CHL1: variants seen among roughly 807,000 people sequenced by gnomAD.
CHL1 encodes the protein cell adhesion molecule L1 like.
A neutral mutation model predicts 141.9 loss-of-function variants in CHL1; 96 were observed. The ratio of observed to expected loss-of-function variants is 0.68; its 90% CI spans 0.57 to 0.80. The LOEUF (loss-of-function observed/expected upper bound fraction) is 0.80, where lower values mean the gene tolerates loss of function less well. CHL1 is among the 30% of genes least tolerant of loss of function. CHL1 has a pLI of 0.00. For synonymous variants in CHL1, 613 were observed against 502.2 expected, an observed-to-expected ratio of 1.22 and a Z score of -2.95; for missense variants, 1,820 against 1,457.2, an observed-to-expected ratio of 1.25 and a Z score of -4.05.
chr3:361,040 C>T lies in CHL1; in HGVS notation c.1306+616C>T, dbSNP rs148938507. On this transcript the variant is annotated intron_variant, in intron 12 of 27. Transcript: ENST00000256509. ...AAGTCTTTGCTATTGTGAATAATGC[C>T]GCAAAAAACATACGTGTGCAGGTGT... 2.3e-3 allele frequency among the ~76,000 whole-genome samples: 348 copies of T among 151,912 alleles called. 1 individual carries two copies. The highest frequency in any genetic ancestry group is 7.7e-3 in the African/African-American group (317 of 41,396).
intron 1 of CHL1, among the ~76,000 whole-genome samples, chr3:243,310 T>G (rs1692850002): frequency 6.6e-6 from 1 of 152,150 alleles, no homozygotes; most frequent in Non-Finnish European, 1.5e-5. Flanking sequence ...TTAGGTAAAC[T>G]TCTGTCAGCC....
intron 1 of CHL1, among the ~76,000 whole-genome samples, chr3:208,669 G>A (rs1699650145): frequency 2.0e-5 from 3 of 152,106 alleles, no homozygotes; most frequent in East Asian, 3.8e-4. Flanking sequence ...TAATGAAACT[G>A]GTTTATTTGG....
chr3:395,269 C>T lies in CHL1; in HGVS notation c.3094+397C>T, dbSNP rs1002982007. Among the ~76,000 whole-genome samples the T allele has an allele frequency of 3.9e-5, 6 of 152,288 alleles. No individual in the cohort carries two copies. The East Asian group carries it at 1.2e-3, about 29-fold the overall frequency. The stretch of plus-strand genomic sequence containing the variant: ...TCTTCCATTGGTAGACATTACAGAT[C>T]TAATACATCTCACTTTCATGCCTTC... On this transcript the variant is annotated intron_variant, in intron 24 of 27. Coordinates refer to ENST00000256509, the MANE Select transcript of CHL1 (RefSeq NM_006614.4).
intron 2 of CHL1, among the ~76,000 whole-genome samples, chr3:269,612 G>C (rs1695461336): frequency 1.3e-5 from 2 of 152,110 alleles, no homozygotes; most frequent in Non-Finnish European, 2.9e-5. Context: ...TGCAACCTCT[G>C]CCTCCTGGGT....
chr3:336,612 G>A (rs1433519764), intron 5 of CHL1, among the ~76,000 whole-genome samples: 1 of 152,248 alleles, frequency 6.6e-6, no homozygotes, highest in Admixed American at 6.5e-5. Context: ...TACAGAAAAA[G>A]GTAAAGATAT....
intron 1 of CHL1, among the ~76,000 whole-genome samples, chr3:198,687 T>C (rs1345018883): frequency 2.6e-5 from 4 of 152,264 alleles, no homozygotes; most frequent in Non-Finnish European, 5.9e-5. Flanking sequence ...TCAAAAGTTA[T>C]TGTCGTTGAT....
At chr3:239,649 A>G (rs911806036) in intron 1 of CHL1, among the ~76,000 whole-genome samples, 1 of 151,036 alleles carries the variant, frequency 6.6e-6, no homozygotes, top group African/African-American at 2.4e-5. Flanking sequence ...AACGGGTGGT[A>G]TTTGGTTGCG....
At chr3:259,866 A>G (rs1694540079) in intron 2 of CHL1, among the ~76,000 whole-genome samples, 2 of 152,148 alleles carry the variant, frequency 1.3e-5, no homozygotes, top group Admixed American at 6.5e-5. Flanking sequence ...GGCCCGTTTA[A>G]CTTACTTTTC....
intron 5 of CHL1, among the ~76,000 whole-genome samples, chr3:331,155 G>A (rs930745061): frequency 6.6e-6 from 1 of 152,030 alleles, no homozygotes; most frequent in Non-Finnish European, 1.5e-5. Flanking sequence ...TTATCACCAG[G>A]GTCATTAATA....
At chr3:393,901 A>G (rs1312231827) in intron 23 of CHL1, among the ~76,000 whole-genome samples, 2 of 152,188 alleles carry the variant, frequency 1.3e-5, no homozygotes, top group East Asian at 1.9e-4. Context: ...GTCAATAATA[A>G]ATGCATTTTT....
intron 2 of CHL1, among the ~76,000 whole-genome samples, chr3:260,822 A>G (rs1411444253): frequency 2.6e-5 from 4 of 152,232 alleles, no homozygotes. Flanking sequence ...TAAGAAACAA[A>G]TAAGATTAAG....
At chr3:314,230 T>C (rs899827417) in intron 2 of CHL1, among the ~76,000 whole-genome samples, 2 of 150,816 alleles carry the variant, frequency 1.3e-5, no homozygotes, top group Non-Finnish European at 3.0e-5. Context: ...ATTAAAAATG[T>C]TTCCATTAGG....
chr3:259,988 G>C (rs1224813897), intron 2 of CHL1, among the ~76,000 whole-genome samples: 1 of 152,124 alleles, frequency 6.6e-6, no homozygotes, highest in East Asian at 1.9e-4. Flanking sequence ...ATATCAGCTG[G>C]GCATGGTGGC....
At chr3:204,988 C>T (rs1292010010) in intron 1 of CHL1, among the ~76,000 whole-genome samples, 1 of 152,174 alleles carries the variant, frequency 6.6e-6, no homozygotes, top group Non-Finnish European at 1.5e-5. Flanking sequence ...TTCCACCACA[C>T]TGCCTACAGT....
chr3:398,313 G>A lies in CHL1; in HGVS notation c.3181G>A (p.Val1061Ile). The A allele has an allele frequency of 6.2e-7, 1 of 1,608,588 alleles. No individual in the cohort carries two copies. Among genetic ancestry groups the A allele is most frequent in the South Asian group, 1.1e-5 (1 of 90,948 alleles). Residue 1061 changes from valine to isoleucine, a missense_variant, in exon 25 of 28, where the codon GTT (valine) becomes ATT (isoleucine). Transcript: ENST00000256509. ...ATTTGAGCCGGGAGCTGAACATATAGTTCGCCTAATGACTAAGAATTGGGG... is the reference window on the plus strand; with the variant it reads ...ATTTGAGCCGGGAGCTGAACATATAATTCGCCTAATGACTAAGAATTGGGG... ...EVFEPGAEHI[V>I]RLMTKNWGDN...
chr3:304,810 C>G (rs1699085363), intron 2 of CHL1, among the ~76,000 whole-genome samples: 1 of 152,108 alleles, frequency 6.6e-6, no homozygotes, highest in Non-Finnish European at 1.5e-5. Context: ...TGTTTCTTCT[C>G]TAGTTCTTTT....
At chr3:248,606 C>T (rs561750054) in intron 2 of CHL1, 6 of 152,064 alleles carry the variant, frequency 3.9e-5, no homozygotes, top group African/African-American at 7.2e-5. Flanking sequence ...CCAAAAGTTT[C>T]CTCTGTCCCT....
intron 2 of CHL1, among the ~76,000 whole-genome samples, chr3:306,855 G>A (rs1490738867): frequency 6.6e-6 from 1 of 152,174 alleles, no homozygotes; most frequent in Non-Finnish European, 1.5e-5. Flanking sequence ...TTCACTAGCA[G>A]TTGATAATTA....
chr3:328,364 A>G lies in CHL1; in HGVS notation c.385+10A>G, dbSNP rs745503446. The G allele has an allele frequency of 3.1e-6, 5 of 1,595,560 alleles. No homozygotes were observed. The highest frequency in any genetic ancestry group is 1.1e-5 in the South Asian group (1 of 88,550). ...GAATTTATAGTTCCAAGTAAGTACT[A>G]TAACGGGAATTTCATTTTACAAGTG... is the stretch of plus-strand genomic sequence containing the variant. On this transcript the variant is annotated intron_variant, in intron 5 of 27. Coordinates refer to ENST00000256509, the MANE Select transcript of CHL1 (RefSeq NM_006614.4).
Sources: gnomAD v4.1 joint callset for allele counts (sites outside exome capture counted in the v4.1 genomes callset) on GRCh38, gnomAD v4.1.1 for gene constraint, MANE v1.5 for transcripts, NCBI Gene and HGNC (gene_info 2026-07-23, HGNC 2026-07-21) for gene names.